LRRC1: variants seen among roughly 807,000 people sequenced by gnomAD.
LRRC1 encodes the protein leucine-rich repeat-containing protein 1.
In LRRC1, 28 loss-of-function variants were observed where a neutral mutation model predicts 69.9. The ratio of observed to expected loss-of-function variants is 0.40; its 90% CI spans 0.30 to 0.55. LRRC1 has a LOEUF of 0.55. Among genes scored for constraint, LRRC1 ranks in the 20% least tolerant of loss-of-function variants. The pLI, the probability that LRRC1 is intolerant of heterozygous loss-of-function variation, is 0.47. For synonymous variants in LRRC1, 236 were observed against 240.2 expected, an observed-to-expected ratio of 0.98 and a Z score of 0.16; for missense variants, 498 against 609.0, an observed-to-expected ratio of 0.82 and a Z score of 1.92.
Position 53,921,997 on chromosome 6 carries a change from G to A in LRRC1, c.1417-638G>A, listed in dbSNP as rs1345495715. 3.3e-4 allele frequency among the ~76,000 whole-genome samples: 50 copies of A among 152,074 alleles called. 1 individual carries two copies. The highest frequency in any genetic ancestry group is 3.3e-3 in the Admixed American group (50 of 15,268). ...AGGCCATTTAAAAGATGTACATGCT[G>A]TTTTATGAGCTAAAGATCATGTAAC... On this transcript the variant is annotated intron_variant, in intron 13 of 13. Transcript: ENST00000370888.
intron 2 of LRRC1, among the ~76,000 whole-genome samples, chr6:53,847,766 G>C (rs1399506627): frequency 1.3e-5 from 2 of 152,162 alleles, no homozygotes; most frequent in Non-Finnish European, 2.9e-5. Context: ...AACCAATCTC[G>C]AACCCTGTTG....
chr6:53,806,881 A>G (rs1764648358), intron 1 of LRRC1, among the ~76,000 whole-genome samples: 1 of 152,178 alleles, frequency 6.6e-6, no homozygotes, highest in Non-Finnish European at 1.5e-5. Context: ...ACCTTTGAAC[A>G]CTGAAGTTTT....
At chr6:53,896,182 G>A (rs1048734359) in intron 4 of LRRC1, among the ~76,000 whole-genome samples, 1 of 152,234 alleles carries the variant, frequency 6.6e-6, no homozygotes, top group Admixed American at 6.5e-5. Flanking sequence ...AGTCCTGAGA[G>A]TGGTTGTGTT....
chr6:53,867,861 G>A (rs1179558721), intron 2 of LRRC1, among the ~76,000 whole-genome samples: 4 of 151,522 alleles, frequency 2.6e-5, no homozygotes, highest in Non-Finnish European at 5.9e-5. Flanking sequence ...GGCTGAGGTG[G>A]GAGGATTATT....
intron 1 of LRRC1, among the ~76,000 whole-genome samples, chr6:53,796,912 G>A (rs1764319937): frequency 1.3e-5 from 2 of 152,164 alleles, no homozygotes; most frequent in African/African-American, 2.4e-5. Flanking sequence ...ATTTTAGGCA[G>A]TGATATCACC....
chr6:53,796,995 T>C (rs992265123), intron 1 of LRRC1, among the ~76,000 whole-genome samples: 1 of 152,216 alleles, frequency 6.6e-6, no homozygotes, highest in Admixed American at 6.5e-5. Flanking sequence ...GAGTGAAAAG[T>C]TATTCACTAG....
At chr6:53,897,168 C>T in intron 6 of LRRC1, 117 bp from the exon 7 acceptor site, 1 of 688,374 alleles carries the variant, frequency 1.5e-6, no homozygotes, top group African/African-American at 1.8e-5. Context: ...AGAGAAGTAC[C>T]AGTGAACATC....
At chr6:53,895,545 T>G (rs1388958022) in intron 4 of LRRC1, among the ~76,000 whole-genome samples, 1 of 151,480 alleles carries the variant, frequency 6.6e-6, no homozygotes, top group Admixed American at 6.8e-5. Context: ...ATGAAATTCC[T>G]CCAAATCTGG....
chr6:53,914,061 T>C, intron 11 of LRRC1, 92 bp downstream of exon 11: 1 of 825,956 alleles, frequency 1.2e-6, no homozygotes, highest in Non-Finnish European at 2.0e-6. Context: ...GTCTTTGCTT[T>C]ATCTTACAGA....
At chr6:53,821,802 A>G (rs1264030037) in intron 1 of LRRC1, among the ~76,000 whole-genome samples, 1 of 151,722 alleles carries the variant, frequency 6.6e-6, no homozygotes, top group Non-Finnish European at 1.5e-5. Flanking sequence ...TGGACCATTT[A>G]CAGATGCAAC....
rs535791324 is a variant in LRRC1, at chr6:53,795,015, A to G, written c.-242A>G. The stretch of plus-strand genomic sequence containing the variant: ...CGCGGCGGCGGGGGCGGCGACGGCG[A>G]CTGGCGGGTGGGAGTGGAGGCACCG... On this transcript the variant is annotated 5_prime_UTR_variant, in exon 1 of 14. Transcript: ENST00000370888. The G allele has an allele frequency of 6.0e-6, 2 of 331,952 alleles. No homozygotes were observed. The highest frequency in any genetic ancestry group is 5.0e-5 in the Admixed American group (1 of 19,854). 20.6% of individuals were successfully genotyped at this position (331,952 alleles called of 1,614,324 possible).
intron 1 of LRRC1, among the ~76,000 whole-genome samples, chr6:53,836,193 T>A (rs572719386): frequency 6.6e-6 from 1 of 152,302 alleles, no homozygotes; most frequent in Admixed American, 6.5e-5. Flanking sequence ...GCATGGATCT[T>A]CCAGCCCTTC....
chr6:53,841,994 G>C, intron 1 of LRRC1, 116 bp from the exon 2 acceptor site: 1 of 621,026 alleles, frequency 1.6e-6, no homozygotes, highest in East Asian at 2.8e-5. Flanking sequence ...TTAGGAAATT[G>C]ATGTTGCTAC....
intron 1 of LRRC1, among the ~76,000 whole-genome samples, chr6:53,806,335 G>A (rs941241151): frequency 7.9e-5 from 12 of 152,232 alleles, no homozygotes; most frequent in African/African-American, 2.9e-4. Context: ...GCCCTTTTGG[G>A]GAGTGGATTT....
intron 4 of LRRC1, among the ~76,000 whole-genome samples, chr6:53,889,630 G>A (rs1418364250): frequency 1.3e-5 from 2 of 152,094 alleles, no homozygotes; most frequent in African/African-American, 2.4e-5. Flanking sequence ...TGGTTGTTGG[G>A]TGTTGTGGGG....
At chr6:53,861,314 T>C (rs1766507902) in intron 2 of LRRC1, among the ~76,000 whole-genome samples, 1 of 151,868 alleles carries the variant, frequency 6.6e-6, no homozygotes, top group Non-Finnish European at 1.5e-5. Context: ...GGCTGACTTT[T>C]CCAATTCTCA....
At chr6:53,865,808 ACCTCCC>A (rs1766684862) in intron 2 of LRRC1, among the ~76,000 whole-genome samples, 1 of 148,096 alleles carries the variant, frequency 6.8e-6, no homozygotes, top group African/African-American at 2.5e-5. Context: ...TGCAACCTCT[ACCTCCC>A]AGGATCACGT....
intron 6 of LRRC1, 72 bp downstream of exon 6, chr6:53,896,964 A>T (rs376779491): frequency 1.0e-6 from 1 of 973,524 alleles, no homozygotes; most frequent in East Asian, 2.4e-5. Context: ...GGGGAGTTCT[A>T]TAGGGATCTT....
At chr6:53,879,434 C>T (rs907201140) in intron 3 of LRRC1, among the ~76,000 whole-genome samples, 1 of 151,996 alleles carries the variant, frequency 6.6e-6, no homozygotes, top group African/African-American at 2.4e-5. Context: ...TACAGGCACC[C>T]GCCACCATGC....
Sources: gnomAD v4.1 joint callset for allele counts (sites outside exome capture counted in the v4.1 genomes callset) on GRCh38, gnomAD v4.1.1 for gene constraint, MANE v1.5 for transcripts, NCBI Gene and HGNC (gene_info 2026-07-23, HGNC 2026-07-21) for gene names.